Variants in ATG2B observed in about 807,000 individuals in gnomAD.
The protein encoded by ATG2B is autophagy-related protein 2 homolog B.
ATG2B carries 121 observed loss-of-function variants against 241.3 expected under a neutral mutation model. That is an observed-to-expected ratio of 0.50 (90% confidence interval 0.43 to 0.58). The LOEUF (loss-of-function observed/expected upper bound fraction) is 0.58, where lower values mean the gene tolerates loss of function less well. Among genes scored for constraint, ATG2B ranks in the 20% least tolerant of loss-of-function variants. The pLI is 0.00. For synonymous variants in ATG2B, 858 were observed against 876.6 expected, an observed-to-expected ratio of 0.98 and a Z score of 0.37; for missense variants, 2,306 against 2,491.6, an observed-to-expected ratio of 0.93 and a Z score of 1.59.
intron 8 of ATG2B, 118 bp from the exon 9 acceptor site, chr14:96,332,773 C>T (rs756726280): frequency 1.4e-5 from 10 of 724,682 alleles, no homozygotes; most frequent in Non-Finnish European, 2.0e-5. Flanking sequence ...TACAGCGATG[C>T]CCCAAATTTT....
rs770533481 is a variant in ATG2B at position 96,343,111 on chromosome 14, T to A, written c.744+8A>T. The stretch of plus-strand genomic sequence containing the variant: ...GATTATGGTTTTAGGGTTTTTGTTT[T>A]TTCTTACCACTGGTGCAGTTGAACA... On this transcript the variant is annotated splice_region_variant and intron_variant, in intron 5 of 41. Coordinates refer to ENST00000359933, the MANE Select transcript of ATG2B (RefSeq NM_018036.7). The A allele has an allele frequency of 1.3e-6, 2 of 1,535,178 alleles. No individual in the cohort carries two copies. The highest frequency in any genetic ancestry group is 4.4e-5 in the Admixed American group (2 of 45,908).
chr14:96,303,584 CTATTT>C (rs1216114647), intron 32 of ATG2B, among the ~76,000 whole-genome samples: 1 of 152,044 alleles, frequency 6.6e-6, no homozygotes, highest in Non-Finnish European at 1.5e-5. Flanking sequence ...TATAATTATT[CTATTT>C]TATTATTCAT....
At chr14:96,288,235 G>A (rs556389750) in intron 41 of ATG2B, among the ~76,000 whole-genome samples, 40 of 152,202 alleles carry the variant, frequency 2.6e-4, no homozygotes, top group Non-Finnish European at 4.4e-4. Context: ...GGCAGAACCC[G>A]TTTCCTCATC....
intron 36 of ATG2B, 60 bp from the exon 37 acceptor site, chr14:96,292,158 A>C (rs1031701537): frequency 1.9e-6 from 2 of 1,057,862 alleles, no homozygotes; most frequent in Non-Finnish European, 2.8e-6. Flanking sequence ...GTGAAATTAG[A>C]TATAAATTAA....
chr14:96,343,279 G>A lies in ATG2B; in HGVS notation c.584C>T (p.Thr195Ile). Reference sequence around the variant, plus strand: ...GTCAGCAGTTTCATCACAGTACACAGTTCTGAAATTTTTTTAAAAAGCATT... The same window carrying A: ...GTCAGCAGTTTCATCACAGTACACAATTCTGAAATTTTTTTAAAAAGCATT... The part of the protein sequence containing the change: ...GTALEIRIER[T>I]VYCDETADES... Residue 195 changes from threonine to isoleucine, a missense_variant and splice_region_variant, in exon 5 of 42, where the codon ACT becomes ATT. By Grantham distance (89) the Thr-to-Ile change is moderately conservative. This residue lies in a region of ATG2B where 1,927 missense variants were observed against 2,011.2 expected (regional missense o/e 0.96). Coordinates refer to ENST00000359933, the MANE Select transcript of ATG2B (RefSeq NM_018036.7). 6 of 1,561,828 alleles carry A rather than the reference G, an allele frequency of 3.8e-6. No homozygotes were observed. The South Asian group carries it at 7.2e-5, about 19-fold the overall frequency.
intron 1 of ATG2B, among the ~76,000 whole-genome samples, chr14:96,360,780 T>C (rs1392477655): frequency 2.6e-5 from 4 of 152,034 alleles, no homozygotes; most frequent in Middle Eastern, 3.2e-3. Flanking sequence ...TACCTTTTTT[T>C]CAGTCATGTA....
At chr14:96,327,776 C>A (rs1887622094) in intron 14 of ATG2B, among the ~76,000 whole-genome samples, 1 of 152,038 alleles carries the variant, frequency 6.6e-6, no homozygotes, top group East Asian at 1.9e-4. Flanking sequence ...TCATTTAATC[C>A]TTGATGAGCC....
In ATG2B at chr14:96,306,827, A is replaced by G. The variant is rs143695335; in HGVS notation, c.4393T>C (p.Ser1465Pro). 5.4e-3 allele frequency: 8,726 copies of G among 1,613,924 alleles called. 304 individuals carry two copies. In the South Asian group the frequency reaches 0.066, roughly 12 times the overall value. Reference protein sequence around the residue: ...PDESGNVSQESGPTYASFSHH... With the variant: ...PDESGNVSQEPGPTYASFSHH... ...GAGAATGAGGCATAGGTGGGGCCGG[A>G]CTCCTGGGATACATTCCCACTCTCG... Residue 1465 changes from serine (S) to proline (P), a missense_variant, in exon 30 of 42, where the codon TCC becomes CCC. Coordinates refer to ENST00000359933, the MANE Select transcript of ATG2B (RefSeq NM_018036.7).
At chr14:96,317,648 T>C in intron 19 of ATG2B, 50 bp downstream of exon 19, 1 of 1,434,256 alleles carries the variant, frequency 7.0e-7, no homozygotes, top group South Asian at 1.4e-5. Flanking sequence ...AGTACTTTGT[T>C]AATTGATAAA....
chr14:96,354,893 A>G (rs2139909052), intron 1 of ATG2B, among the ~76,000 whole-genome samples: 1 of 152,298 alleles, frequency 6.6e-6, no homozygotes, highest in East Asian at 1.9e-4. Context: ...CTCTAATGAC[A>G]GTGATGTTGA....
intron 29 of ATG2B, among the ~76,000 whole-genome samples, chr14:96,307,227 C>T (rs1886974737): frequency 6.6e-6 from 1 of 152,060 alleles, no homozygotes; most frequent in African/African-American, 2.4e-5. Flanking sequence ...GCCTGGCCAA[C>T]ATGATGAAAC....
At position 96,304,612 on chromosome 14, in the gene ATG2B, G is replaced by C; in HGVS notation, c.4734-9C>G. ...GCGAACTGTGGGGACTACTAAAAATGAGCAAAAAAAAAAAAAACCCTTTTG... is the reference window on the plus strand; with the variant it reads ...GCGAACTGTGGGGACTACTAAAAATCAGCAAAAAAAAAAAAAACCCTTTTG... On this transcript the variant is annotated splice_polypyrimidine_tract_variant and intron_variant, in intron 31 of 41. Transcript: ENST00000359933. The C allele has an allele frequency of 1.6e-6, 2 of 1,235,682 alleles. No individual in the cohort carries two copies. The highest frequency in any genetic ancestry group is 2.2e-6 in the Non-Finnish European group (2 of 925,242). 76.5% of individuals were successfully genotyped at this position (1,235,682 alleles called of 1,614,324 possible).
rs554002776 is a variant in ATG2B, at chr14:96,333,364, A to C, written c.1207+324T>G. The stretch of plus-strand genomic sequence containing the variant: ...TCTAGAAATCATTACATGAGCACAT[A>C]ATAATTTGACAAAATATATAACTAC... On this transcript the variant is annotated intron_variant, in intron 8 of 41. Coordinates refer to ENST00000359933, the MANE Select transcript of ATG2B (RefSeq NM_018036.7). Among the ~76,000 whole-genome samples the C allele has an allele frequency of 2.6e-5, 4 of 152,296 alleles. No individual in the cohort carries two copies. In the East Asian group the frequency reaches 7.7e-4, roughly 29 times the overall value.
At chr14:96,359,069 C>G (rs1398013548) in intron 1 of ATG2B, among the ~76,000 whole-genome samples, 1 of 152,076 alleles carries the variant, frequency 6.6e-6, no homozygotes, top group Non-Finnish European at 1.5e-5. Flanking sequence ...CATTCTTAAA[C>G]TGAAGTTAAA....
At chr14:96,352,416 GC>G (rs890893603) in intron 1 of ATG2B, among the ~76,000 whole-genome samples, 22 of 152,064 alleles carry the variant, frequency 1.4e-4, no homozygotes, top group African/African-American at 5.3e-4. Flanking sequence ...ACAGGCTCAG[GC>G]AGTTCTTTCA....
At chr14:96,308,270 ATATATATATATATTTT>A (rs1566719923) in intron 29 of ATG2B, among the ~76,000 whole-genome samples, 374 of 27,824 alleles carry the variant, frequency 0.013, 14 homozygotes, top group Middle Eastern at 0.13. Context: ...ATATATATAT[ATATATATATATATTTT>A]TTTTTTTTTT....
Position 96,322,628 on chromosome 14 carries a change from C to T in ATG2B, c.2648G>A (p.Gly883Asp). 1 of 1,612,844 alleles carries T rather than the reference C, an allele frequency of 6.2e-7. No homozygotes were observed. Among genetic ancestry groups the T allele is most frequent in the Non-Finnish European group, 8.5e-7 (1 of 1,179,118 alleles). ...DGHYQEEEEG[G>D]AHSLKDVCDL... Reference sequence around the variant, plus strand: ...ACAAACATCTTTCAAGGAATGAGCACCTCCTTCCTCTTCCTCCTGGTAGTG... The same window carrying T: ...ACAAACATCTTTCAAGGAATGAGCATCTCCTTCCTCTTCCTCCTGGTAGTG... The change falls in exon 17 of 42, where the codon GGT (glycine) becomes GAT (aspartate). Residue 883 changes from glycine (G) to aspartate (D), a missense_variant. By Grantham distance (94) the Gly-to-Asp change is moderately conservative. Transcript: ENST00000359933.
chr14:96,316,446 A>C, intron 21 of ATG2B, 87 bp downstream of exon 21: 17 of 1,337,848 alleles, frequency 1.3e-5, no homozygotes, highest in Non-Finnish European at 1.8e-5. Context: ...TCTAATACCA[A>C]AGTTCTGTTC....
At chr14:96,362,026 TACGAC>T (rs1402939734) in intron 1 of ATG2B, among the ~76,000 whole-genome samples, 1 of 152,126 alleles carries the variant, frequency 6.6e-6, no homozygotes, top group Non-Finnish European at 1.5e-5. Flanking sequence ...CAAATGCAGG[TACGAC>T]TGCATGTGGT....
Sources: allele counts gnomAD v4.1 joint callset (sites outside exome capture counted in the v4.1 genomes callset), GRCh38; gene constraint gnomAD v4.1.1; regional missense constraint gnomAD v4.1.1; transcripts MANE v1.5; gene names NCBI Gene and HGNC (gene_info 2026-07-23, HGNC 2026-07-21).